The following ZNF680 variants were observed in gnomAD, a reference collection of about 807,000 sequenced individuals.
ZNF680 encodes hypothetical protein FLJ90430.
A neutral mutation model predicts 12.1 loss-of-function variants in ZNF680; 6 were observed. The observed-to-expected ratio is 0.49, with a 90% confidence interval of 0.27 to 0.98. The LOEUF (loss-of-function observed/expected upper bound fraction) is 0.98. Among genes scored for constraint, ZNF680 ranks in the 50% least tolerant of loss-of-function variants. ZNF680 has a pLI of 0.12. For missense variants in ZNF680, 561 were observed against 616.3 expected (o/e 0.91, Z 0.95); for synonymous variants, 170 against 199.3 (o/e 0.85, Z 1.24).
At chr7:64,506,748 C>T in the ZNF680 span, among the ~76,000 whole-genome samples, 1 of 152,006 alleles carries the variant, frequency 6.6e-6, no homozygotes, top group Non-Finnish European at 1.5e-5. Context: ...TATTGTTGTA[C>T]TCAAGAGTGT....
chr7:64,535,374 A>C (rs1174097911), intron 3 of ZNF680, among the ~76,000 whole-genome samples: 1 of 150,598 alleles, frequency 6.6e-6, no homozygotes, highest in Non-Finnish European at 1.5e-5. Flanking sequence ...AAGAAAGAAC[A>C]AAAGAAAGAA....
chr7:64,505,668 GGTT>G, the ZNF680 span, among the ~76,000 whole-genome samples: 2 of 152,082 alleles, frequency 1.3e-5, no homozygotes, highest in African/African-American at 2.4e-5. Context: ...CTTTCATCCA[GGTT>G]GTTTCTTCCT....
At chr7:64,537,791 G>T (rs538462108) in intron 3 of ZNF680, among the ~76,000 whole-genome samples, 1 of 152,054 alleles carries the variant, frequency 6.6e-6, no homozygotes, top group African/African-American at 2.4e-5. Flanking sequence ...TTAGCCGGGC[G>T]TGGTGGCGGG....
chr7:64,538,177 A>G (rs1786278478), intron 3 of ZNF680, among the ~76,000 whole-genome samples: 1 of 152,220 alleles, frequency 6.6e-6, no homozygotes, highest in South Asian at 2.1e-4. Context: ...TCTCTTAGAA[A>G]AAATATAGGA....
At chr7:64,499,454 TA>T in the ZNF680 span, among the ~76,000 whole-genome samples, 3 of 152,140 alleles carry the variant, frequency 2.0e-5, no homozygotes, top group Non-Finnish European at 4.4e-5. Flanking sequence ...GAGCAGACAG[TA>T]AAATACAGGT....
At chr7:64,556,261 A>G (rs1309042680) in intron 1 of ZNF680, among the ~76,000 whole-genome samples, 93 of 106,658 alleles carry the variant, frequency 8.7e-4, no homozygotes, top group African/African-American at 5.9e-3. Flanking sequence ...CACGGAACTA[A>G]AAAAAAAAAA....
the ZNF680 span, among the ~76,000 whole-genome samples, chr7:64,504,079 A>T: frequency 2.3e-3 from 345 of 152,356 alleles, no homozygotes; most frequent in Non-Finnish European, 3.4e-3. Flanking sequence ...ATTATTTTAA[A>T]TAAGAATATT....
intron 3 of ZNF680, among the ~76,000 whole-genome samples, chr7:64,531,574 G>A (rs1785883745): frequency 7.6e-6 from 1 of 132,020 alleles, no homozygotes; most frequent in Non-Finnish European, 1.5e-5. Flanking sequence ...TCCAGCCTGG[G>A]CAACACAGTG....
chr7:64,528,941 A>T (rs1297914886), intron 3 of ZNF680, among the ~76,000 whole-genome samples: 1 of 152,084 alleles, frequency 6.6e-6, no homozygotes, highest in Non-Finnish European at 1.5e-5. Flanking sequence ...TACCACCTCC[A>T]CTGAAACAGG....
At chr7:64,501,519 G>A in the ZNF680 span, 2 of 782,284 alleles carry the variant, frequency 2.6e-6, no homozygotes, top group Non-Finnish European at 2.3e-6. Flanking sequence ...CGGTAAGTGA[G>A]AAGAGGAACA....
chr7:64,510,686 G>A, the ZNF680 span, among the ~76,000 whole-genome samples: 579 of 148,772 alleles, frequency 3.9e-3, 8 homozygotes, highest in Middle Eastern at 0.017. Flanking sequence ...CAAGGCGGGC[G>A]GATCACGAGG....
intron 3 of ZNF680, chr7:64,526,586 C>A: frequency 2.6e-6 from 1 of 379,420 alleles, no homozygotes; most frequent in South Asian, 9.1e-5. Flanking sequence ...TGCTGGACAG[C>A]ATCATAAAAC....
At chr7:64,502,165 G>A in the ZNF680 span, among the ~76,000 whole-genome samples, 1 of 151,636 alleles carries the variant, frequency 6.6e-6, no homozygotes, top group South Asian at 2.1e-4. Flanking sequence ...TACCAAGCCC[G>A]GGTAATTTTA....
rs180903013 is a variant in ZNF680 at position 64,529,378 on chromosome 7, G to A, written c.254-6878C>T. Among the ~76,000 whole-genome samples the A allele has an allele frequency of 7.2e-5, 11 of 152,278 alleles. No homozygotes were observed. The East Asian group carries it at 2.1e-3, about 29-fold the overall frequency. ...TTAGGCTAATAAGAAAGGCATCAGA[G>A]AAAGGCGAAGCCCAGTGCAAGGAAA... On this transcript the variant is annotated intron_variant, in intron 3 of 3. Coordinates refer to ENST00000309683, the MANE Select transcript of ZNF680 (RefSeq NM_178558.5).
intron 3 of ZNF680, among the ~76,000 whole-genome samples, chr7:64,542,140 G>A (rs1350508310): frequency 2.6e-5 from 4 of 152,022 alleles, no homozygotes. Context: ...AACTAAAGGT[G>A]AGCCCTAGTG....
At chr7:64,507,106 T>C in the ZNF680 span, among the ~76,000 whole-genome samples, 1 of 152,212 alleles carries the variant, frequency 6.6e-6, no homozygotes, top group Non-Finnish European at 1.5e-5. Context: ...GAAATACTAT[T>C]CAGCGTCAAG....
the ZNF680 span, among the ~76,000 whole-genome samples, chr7:64,513,210 TTAAAACTAC>T: frequency 6.7e-6 from 1 of 150,126 alleles, no homozygotes; most frequent in African/African-American, 2.5e-5. Context: ...TAACATATAA[TTAAAACTAC>T]TAAAAAAAAT....
At chr7:64,533,904 A>G (rs1786020889) in intron 3 of ZNF680, among the ~76,000 whole-genome samples, 1 of 152,200 alleles carries the variant, frequency 6.6e-6, no homozygotes, top group Non-Finnish European at 1.5e-5. Flanking sequence ...AAACAAAAAC[A>G]TAAGTGGGAA....
At chr7:64,534,561 T>A (rs1268988398) in intron 3 of ZNF680, among the ~76,000 whole-genome samples, 1 of 152,140 alleles carries the variant, frequency 6.6e-6, no homozygotes, top group South Asian at 2.1e-4. Flanking sequence ...ACACTGCTGG[T>A]GGGAATGTAA....
Sources: allele counts gnomAD v4.1 joint callset (sites outside exome capture counted in the v4.1 genomes callset), GRCh38; gene constraint gnomAD v4.1.1; transcripts MANE v1.5; gene names NCBI Gene and HGNC (gene_info 2026-07-23, HGNC 2026-07-21).